Variants in PLP1 observed in about 807,000 individuals in gnomAD.
The protein encoded by PLP1 is proteolipid protein 1, also known as myelin proteolipid protein.
A neutral mutation model predicts 18.5 loss-of-function variants in PLP1; 2 were observed. The ratio of observed to expected loss-of-function variants is 0.11; its 90% CI spans 0.04 to 0.34. PLP1 has a LOEUF of 0.34. Among genes scored for constraint, PLP1 ranks in the 10% least tolerant of loss-of-function variants. The probability of loss-of-function intolerance (pLI) is 1.00; values close to 1 mark genes in which losing one functional copy is unlikely to be tolerated. For synonymous variants in PLP1, 86 were observed against 83.2 expected (o/e 1.03, Z -0.19); for missense variants, 105 against 207.3 (o/e 0.51, Z 3.03).
In PLP1 at chrX:103,776,896, A is replaced by T; in HGVS notation, c.-100A>T. 1.2e-6 allele frequency: 1 copy of T among 806,541 alleles called. No individual in the cohort carries two copies. The highest frequency in any genetic ancestry group is 1.9e-6 in the Non-Finnish European group (1 of 533,814). 66.5% of individuals were successfully genotyped at this position (806,541 alleles called of 1,213,427 possible). ...CTCAGAGAGAAAAAGTAAAAGACCG[A>T]AGAAGGAGGCTGGAGAGACCAGGAT... On this transcript the variant is annotated 5_prime_UTR_variant, in exon 1 of 7. Transcript: ENST00000621218.
At chrX:103,779,646 T>A (rs1277448657) in intron 1 of PLP1, among the ~76,000 whole-genome samples, 1 of 111,943 alleles carries the variant, frequency 8.9e-6, no homozygotes, top group African/African-American at 3.2e-5. Context: ...TTAGGGGGCC[T>A]TGGGCTTGGC....
Position 103,790,719 on chromosome X carries a change from G to T in PLP1, c.*121G>T. 1.7e-6 allele frequency: 1 copy of T among 576,176 alleles called. No homozygotes were observed. The highest frequency in any genetic ancestry group is 3.1e-6 in the Non-Finnish European group (1 of 320,333). The allele number at this position is 576,176 out of a possible 1,213,427, so 47.5% of individuals were successfully genotyped here. On this transcript the variant is annotated 3_prime_UTR_variant, in exon 7 of 7. Coordinates refer to ENST00000621218, the MANE Select transcript of PLP1 (RefSeq NM_000533.5). ...AACTGGCCCTCTTCTTACTTGATGAGTGTAACAAGAAAGGAGAGTCTTGCA... is the reference window on the plus strand; with the variant it reads ...AACTGGCCCTCTTCTTACTTGATGATTGTAACAAGAAAGGAGAGTCTTGCA...
chrX:103,789,196 G>C lies in PLP1; in HGVS notation c.697-137G>C, dbSNP rs1027850057. 1.3e-5 allele frequency: 7 copies of C among 556,945 alleles called. No individual in the cohort carries two copies. The African/African-American group carries it at 1.3e-4, about 11-fold the overall frequency. The allele number at this position is 556,945 out of a possible 1,213,427, so 45.9% of individuals were successfully genotyped here. On this transcript the variant is annotated intron_variant, in intron 5 of 6. Coordinates refer to ENST00000621218, the MANE Select transcript of PLP1 (RefSeq NM_000533.5). Reference sequence around the variant, plus strand: ...GACTGGGAGGCCCACATTTAGGGAAGTGAAAACTTAGTTAGAGATGTGGAA... The same window carrying C: ...GACTGGGAGGCCCACATTTAGGGAACTGAAAACTTAGTTAGAGATGTGGAA...
At chrX:103,778,950 C>G (rs1369852417) in intron 1 of PLP1, among the ~76,000 whole-genome samples, 3 of 111,848 alleles carry the variant, frequency 2.7e-5, no homozygotes, top group African/African-American at 9.8e-5. Context: ...TTACAACAAC[C>G]AATTAAATGT....
At chrX:103,777,952 G>C (rs1602373940) in intron 1 of PLP1, among the ~76,000 whole-genome samples, 1 of 112,546 alleles carries the variant, frequency 8.9e-6, no homozygotes, top group East Asian at 2.8e-4. Flanking sequence ...GCATCCAGTA[G>C]ACAACATCCA....
chrX:103,787,593 A>G (rs2074507844), intron 3 of PLP1: 1 of 443,905 alleles, frequency 2.3e-6, no homozygotes, highest in Admixed American at 3.5e-5. Flanking sequence ...CATTCCCCCC[A>G]CCCTCCGTTA....
At chrX:103,778,928 C>T (rs1001639060) in intron 1 of PLP1, among the ~76,000 whole-genome samples, 1 of 111,911 alleles carries the variant, frequency 8.9e-6, no homozygotes. Context: ...ACCTTCAATG[C>T]GGGATTCATT....
At chrX:103,781,406 G>C (rs1045460635) in intron 1 of PLP1, 1 of 265,879 alleles carries the variant, frequency 3.8e-6, no homozygotes, top group African/African-American at 2.7e-5. Context: ...AGATTGATTA[G>C]ACTTGTTTTG....
Position 103,788,291 on chromosome X carries a change from T to C in PLP1, c.623-146T>C, listed in dbSNP as rs2074515763. 1.1e-5 allele frequency: 6 copies of C among 565,286 alleles called. No individual in the cohort carries two copies. In the East Asian group the frequency reaches 2.0e-4, roughly 18 times the overall value. The allele number at this position is 565,286 out of a possible 1,213,427, so 46.6% of individuals were successfully genotyped here. A position where few individuals can be genotyped will look rare whatever the true frequency, so the allele number is the denominator to read the frequency against. On this transcript the variant is annotated intron_variant, in intron 4 of 6. Transcript: ENST00000621218. ...TACCACCTTCTCTTTTTTGTAAACC[T>C]GTAGAAAAGAGGATCCTGATTGTTG... is the stretch of plus-strand genomic sequence containing the variant.
intron 1 of PLP1, among the ~76,000 whole-genome samples, chrX:103,780,426 A>T (rs2074442826): frequency 1.3e-5 from 1 of 75,160 alleles, no homozygotes; most frequent in Non-Finnish European, 2.7e-5. Flanking sequence ...TACATCATTC[A>T]TTCTGTCTCT....
chrX:103,787,630 C>T, intron 3 of PLP1, 168 bp from the exon 4 acceptor site: 1 of 497,470 alleles, frequency 2.0e-6, no homozygotes, highest in Non-Finnish European at 3.6e-6. Context: ...CTAGTAGATA[C>T]TGCCAATTAC....
intron 1 of PLP1, chrX:103,780,413 G>A (rs1011792558): frequency 9.6e-6 from 1 of 104,178 alleles, no homozygotes; most frequent in Non-Finnish European, 2.0e-5. Flanking sequence ...AAATTGGAAT[G>A]TGTACATCAT....
chrX:103,785,982 C>A (rs1378934306), intron 2 of PLP1: 2 of 549,589 alleles, frequency 3.6e-6, no homozygotes, highest in Admixed American at 3.8e-5. Context: ...GCCCCTCCCA[C>A]CCCCGCCCCC....
At chrX:103,789,103 A>G (rs764358713) in intron 5 of PLP1, 1 of 442,343 alleles carries the variant, frequency 2.3e-6, no homozygotes, top group South Asian at 3.3e-5. Flanking sequence ...ATTTTGGAGT[A>G]CTGTACTATT....
intron 1 of PLP1, among the ~76,000 whole-genome samples, chrX:103,785,365 C>T (rs917309426): frequency 8.9e-6 from 1 of 112,581 alleles, no homozygotes; most frequent in Non-Finnish European, 1.9e-5. Context: ...GCATGAGCCA[C>T]CGTGCCCGGC....
intron 1 of PLP1, among the ~76,000 whole-genome samples, chrX:103,782,309 A>G (rs1392875982): frequency 8.9e-6 from 1 of 112,527 alleles, no homozygotes; most frequent in Admixed American, 9.4e-5. Context: ...TTAGAAACTC[A>G]TTAAAGCCTA....
chrX:103,788,380 C>T, intron 4 of PLP1, 57 bp from the exon 5 acceptor site: 1 of 860,152 alleles, frequency 1.2e-6, no homozygotes, highest in Non-Finnish European at 1.7e-6. Context: ...GGAAAGTCTC[C>T]ATGTGGCCCC....
chrX:103,786,601 G>A lies in PLP1; in HGVS notation c.328G>A (p.Gly110Ser), dbSNP rs1283059062. 18 of 1,211,719 alleles carry A rather than the reference G, an allele frequency of 1.5e-5. No homozygotes were observed. Among genetic ancestry groups the A allele is most frequent in the Admixed American group, 2.2e-5 (1 of 46,043 alleles). ...IFGDYKTTIC[G>S]KGLSATVTGG... is the part of the protein sequence containing the mutation. The stretch of plus-strand genomic sequence containing the variant: ...TGGCGACTACAAGACCACCATCTGC[G>A]GCAAGGGCCTGAGCGCAACGGTAAC... The change falls in exon 3 of 7, where the codon GGC becomes AGC. Residue 110 changes from glycine to serine, a missense_variant. Coordinates refer to ENST00000621218, the MANE Select transcript of PLP1 (RefSeq NM_000533.5).
chrX:103,789,143 T>A, intron 5 of PLP1, 190 bp from the exon 6 acceptor site: 1 of 480,834 alleles, frequency 2.1e-6, no homozygotes, highest in Non-Finnish European at 3.7e-6. Context: ...TGGGTGTTAA[T>A]GGGCCAGGTG....
Sources: gnomAD v4.1 joint callset for allele counts (sites outside exome capture counted in the v4.1 genomes callset) on GRCh38, gnomAD v4.1.1 for gene constraint, MANE v1.5 for transcripts, NCBI Gene and HGNC (gene_info 2026-07-23, HGNC 2026-07-21) for gene names.